Variants in SRPK2 observed in about 807,000 individuals in gnomAD.
SRPK2 encodes the protein SFRS protein kinase 2.
A neutral mutation model predicts 90.8 loss-of-function variants in SRPK2; 21 were observed. The ratio of observed to expected loss-of-function variants is 0.23; its 90% CI spans 0.16 to 0.33. The LOEUF is 0.33. SRPK2 is among the 10% of genes least tolerant of loss of function. The probability of loss-of-function intolerance (pLI) is 1.00; values close to 1 mark genes in which losing one functional copy is unlikely to be tolerated. For synonymous variants in SRPK2, 288 were observed against 311.1 expected (o/e 0.93, Z 0.78); for missense variants, 620 against 869.0 (o/e 0.71, Z 3.60).
intron 2 of SRPK2, among the ~76,000 whole-genome samples, chr7:105,220,583 A>G (rs866899646): frequency 1.3e-5 from 2 of 152,196 alleles, no homozygotes; most frequent in Non-Finnish European, 2.9e-5. Flanking sequence ...ATTGTAAAAG[A>G]ACTAACATTA....
chr7:105,228,626 G>GT (rs1799023525), intron 2 of SRPK2, among the ~76,000 whole-genome samples: 2 of 152,208 alleles, frequency 1.3e-5, no homozygotes, highest in South Asian at 2.1e-4. Flanking sequence ...AGAGAGCAGT[G>GT]TAACACCCTC....
At chr7:105,363,162 T>G (rs1205649789) in intron 2 of SRPK2, among the ~76,000 whole-genome samples, 1 of 151,914 alleles carries the variant, frequency 6.6e-6, no homozygotes, top group East Asian at 1.9e-4. Context: ...GTTGTGCACA[T>G]GTACCCTAGA....
intron 2 of SRPK2, among the ~76,000 whole-genome samples, chr7:105,291,123 C>T (rs966369111): frequency 1.3e-5 from 2 of 151,150 alleles, no homozygotes; most frequent in African/African-American, 2.4e-5. Flanking sequence ...CTACAGAGAA[C>T]CTATCATGTG....
At chr7:105,382,212 T>C (rs1821028415) in intron 2 of SRPK2, among the ~76,000 whole-genome samples, 2 of 150,824 alleles carry the variant, frequency 1.3e-5, no homozygotes, top group Admixed American at 1.3e-4. Context: ...TCCTTTAGCC[T>C]GTGAATAAAC....
chr7:105,389,101 G>T, upstream of SRPK2: 1 of 951,678 alleles, frequency 1.1e-6, no homozygotes, highest in Non-Finnish European at 1.2e-6. Context: ...CCATGGCCGC[G>T]CTGGCCCTCG....
chr7:105,146,002 C>T (rs2129577467), intron 8 of SRPK2, among the ~76,000 whole-genome samples: 1 of 152,326 alleles, frequency 6.6e-6, no homozygotes, highest in Middle Eastern at 3.4e-3. Flanking sequence ...GACCCCGCCC[C>T]AGAAATAAAG....
At chr7:105,325,587 G>C (rs1407996944) in intron 2 of SRPK2, among the ~76,000 whole-genome samples, 1 of 141,934 alleles carries the variant, frequency 7.0e-6, no homozygotes, top group Non-Finnish European at 1.5e-5. Context: ...ACTGGATACA[G>C]TGGCTCACAC....
intron 2 of SRPK2, among the ~76,000 whole-genome samples, chr7:105,276,215 C>G (rs1395613896): frequency 2.6e-5 from 4 of 151,714 alleles, no homozygotes; most frequent in Non-Finnish European, 5.9e-5. Context: ...TGAGTAGTTA[C>G]AACTACAGAT....
rs1821979476 is a variant in SRPK2, at chr7:105,388,826, G to GGCGGGGGGCTTCGCGACGGCGAC, written c.-43_-21dup. On this transcript the variant is annotated 5_prime_UTR_variant, in exon 1 of 16. Transcript: ENST00000393651. ...GCTCATTCCGACGCGGCGGAAGCGG[G>GGCGGGGGGCTTCGCGACGGCGAC]GCGGGGGGCTTCGCGACGGCGACGC... 7.4e-7 allele frequency: 1 copy of GGCGGGGGGCTTCGCGACGGCGAC among 1,358,680 alleles called. No homozygotes were observed. Among genetic ancestry groups the GGCGGGGGGCTTCGCGACGGCGAC allele is most frequent in the African/African-American group, 1.5e-5 (1 of 65,678 alleles). 84.2% of individuals were successfully genotyped at this position (1,358,680 alleles called of 1,614,324 possible).
rs66735717 is a variant in SRPK2, at chr7:105,170,967, G to GAAAGAAAGAAAGAAAGAAGGAA, written c.230-1703_230-1702insTTCCTTCTTTCTTTCTTTCTTT. Among the ~76,000 whole-genome samples, 4 of 74,506 alleles carry GAAAGAAAGAAAGAAAGAAGGAA rather than the reference G, an allele frequency of 5.4e-5. No homozygotes were observed. In the East Asian group the frequency reaches 2.2e-3, roughly 41 times the overall value. 48.9% of individuals were successfully genotyped at this position (74,506 alleles called of 152,430 possible). A position where few individuals can be genotyped will look rare whatever the true frequency, so the allele number is the denominator to read the frequency against. ...AGAAAGAAAGAAAGAAAGAAAGAAA[G>GAAAGAAAGAAAGAAAGAAGGAA]AGAAAGAAAGAGAAAGAAAGAAAGA... is the stretch of plus-strand genomic sequence containing the variant. On this transcript the variant is annotated intron_variant, in intron 3 of 15. Transcript: ENST00000393651.
intron 2 of SRPK2, among the ~76,000 whole-genome samples, chr7:105,350,691 AT>A (rs1350931468): frequency 6.6e-6 from 1 of 150,704 alleles, no homozygotes; most frequent in African/African-American, 2.4e-5. Context: ...CACCCAGCTA[AT>A]TTTTGTATTA....
At chr7:105,308,797 T>C (rs1052102257) in intron 2 of SRPK2, among the ~76,000 whole-genome samples, 1 of 152,206 alleles carries the variant, frequency 6.6e-6, no homozygotes, top group South Asian at 2.1e-4. Context: ...CACAGTTTCA[T>C]AATTAACATA....
chr7:105,360,520 T>C (rs865823592), intron 2 of SRPK2, among the ~76,000 whole-genome samples: 10 of 152,202 alleles, frequency 6.6e-5, no homozygotes, highest in Non-Finnish European at 1.5e-4. Flanking sequence ...GCTTTTCCTT[T>C]CCATATTTAG....
chr7:105,182,507 A>G (rs981799111), intron 3 of SRPK2, among the ~76,000 whole-genome samples: 1 of 141,062 alleles, frequency 7.1e-6, no homozygotes, highest in African/African-American at 2.7e-5. Flanking sequence ...ACTGAAGTGC[A>G]GCGGCACAAT....
intron 2 of SRPK2, among the ~76,000 whole-genome samples, chr7:105,264,119 A>G (rs1804714521): frequency 6.6e-6 from 1 of 152,204 alleles, no homozygotes; most frequent in African/African-American, 2.4e-5. Context: ...ATCATAAAAG[A>G]AAATATATCA....
chr7:105,261,813 T>C (rs1804334910), intron 2 of SRPK2, among the ~76,000 whole-genome samples: 1 of 152,196 alleles, frequency 6.6e-6, no homozygotes, highest in African/African-American at 2.4e-5. Context: ...TACGCCCCAC[T>C]GTCAAACAGC....
intron 3 of SRPK2, among the ~76,000 whole-genome samples, chr7:105,179,229 A>C (rs1372145480): frequency 1.3e-5 from 2 of 152,206 alleles, no homozygotes; most frequent in African/African-American, 4.8e-5. Context: ...GAATATCAGC[A>C]TTGGCATTTA....
At chr7:105,181,256 A>G (rs777825380) in intron 3 of SRPK2, among the ~76,000 whole-genome samples, 2 of 152,230 alleles carry the variant, frequency 1.3e-5, no homozygotes, top group African/African-American at 2.4e-5. Flanking sequence ...GAATGCTTAT[A>G]CTCTGCAGGT....
At chr7:105,246,583 G>A (rs1159731456) in intron 2 of SRPK2, among the ~76,000 whole-genome samples, 3 of 152,192 alleles carry the variant, frequency 2.0e-5, no homozygotes, top group Admixed American at 2.0e-4. Flanking sequence ...GATGAGAAGA[G>A]CAACAGACCT....
Sources: gnomAD v4.1 joint callset for allele counts (sites outside exome capture counted in the v4.1 genomes callset) on GRCh38, gnomAD v4.1.1 for gene constraint, MANE v1.5 for transcripts, NCBI Gene and HGNC (gene_info 2026-07-23, HGNC 2026-07-21) for gene names.